The following DLG2 variants were observed in gnomAD, a reference collection of about 807,000 sequenced individuals.
The protein encoded by DLG2 is discs large MAGUK scaffold protein 2, also known as disks large homolog 2.
In DLG2, 45 loss-of-function variants were observed where a neutral mutation model predicts 132.5. The observed-to-expected ratio is 0.34, with a 90% CI of 0.27 to 0.44. DLG2 has a LOEUF of 0.44. DLG2 is among the 20% of genes least tolerant of loss of function. DLG2 has a pLI of 1.00. For synonymous variants in DLG2, 424 were observed against 419.6 expected (o/e 1.01, Z -0.13); for missense variants, 1,045 against 1,196.9 (o/e 0.87, Z 1.87).
intron 18 of DLG2, among the ~76,000 whole-genome samples, chr11:83,754,583 C>T (rs2093573311): frequency 6.6e-6 from 1 of 151,276 alleles, no homozygotes; most frequent in African/African-American, 2.5e-5. Flanking sequence ...GGGTCTATTC[C>T]ACATGATCAC....
intron 4 of DLG2, among the ~76,000 whole-genome samples, chr11:85,230,035 G>A (rs919708735): frequency 5.3e-5 from 8 of 152,000 alleles, no homozygotes; most frequent in African/African-American, 1.9e-4. Context: ...TGTAGATGAT[G>A]GGTTGATGCT....
intron 3 of DLG2, among the ~76,000 whole-genome samples, chr11:85,304,539 C>T (rs148370217): frequency 1.3e-5 from 2 of 152,106 alleles, no homozygotes; most frequent in African/African-American, 4.8e-5. Context: ...TGAAATGCCC[C>T]CAAATCTGAA....
At chr11:85,335,797 G>T (rs920294269) in intron 3 of DLG2, among the ~76,000 whole-genome samples, 38 of 152,112 alleles carry the variant, frequency 2.5e-4, no homozygotes, top group Admixed American at 2.1e-3. Flanking sequence ...ACCTATCAGG[G>T]GGTGGGGGAC....
intron 19 of DLG2, among the ~76,000 whole-genome samples, chr11:83,608,270 C>A (rs2059622933): frequency 6.6e-6 from 1 of 152,118 alleles, no homozygotes; most frequent in Non-Finnish European, 1.5e-5. Context: ...TGGGCAAAAT[C>A]ATCTAACAAT....
rs986269177 is a variant in DLG2 at position 84,214,580 on chromosome 11, G to A, written c.573+36658C>T. 6.6e-5 allele frequency among the ~76,000 whole-genome samples: 10 copies of A among 151,944 alleles called. No homozygotes were observed. In the East Asian group the frequency reaches 1.2e-3, roughly 18 times the overall value. ...TGAAGAAATAATCTTGGAAAATTACGTAAAATTAAATTTAGCCAGATTGCA... is the reference window on the plus strand; with the variant it reads ...TGAAGAAATAATCTTGGAAAATTACATAAAATTAAATTTAGCCAGATTGCA... On this transcript the variant is annotated intron_variant, in intron 8 of 27. Transcript: ENST00000376104.
chr11:84,294,552 C>A, intron 7 of DLG2, among the ~76,000 whole-genome samples: 1 of 152,244 alleles, frequency 6.6e-6, no homozygotes, highest in East Asian at 1.9e-4. Context: ...GAGCCGAGAT[C>A]GCGGCACTGC....
intron 15 of DLG2, among the ~76,000 whole-genome samples, chr11:83,878,948 G>T (rs756480925): frequency 1.3e-5 from 2 of 152,156 alleles, no homozygotes; most frequent in African/African-American, 2.4e-5. Context: ...AAATGATGCT[G>T]TCATTAAATA....
intron 11 of DLG2, among the ~76,000 whole-genome samples, chr11:83,995,314 T>C (rs2093965382): frequency 6.6e-6 from 1 of 152,134 alleles, no homozygotes; most frequent in South Asian, 2.1e-4. Flanking sequence ...TTCCAGGAGA[T>C]AATGACAGTC....
chr11:84,609,995 A>G (rs1337685509), intron 6 of DLG2, among the ~76,000 whole-genome samples: 1 of 152,144 alleles, frequency 6.6e-6, no homozygotes, highest in African/African-American at 2.4e-5. Flanking sequence ...ACAATTCCAC[A>G]TTTATAAATT....
chr11:83,990,174 T>G (rs2093626865), intron 11 of DLG2, among the ~76,000 whole-genome samples: 1 of 152,098 alleles, frequency 6.6e-6, no homozygotes, highest in African/African-American at 2.4e-5. Context: ...CAGTGAATAT[T>G]TCAGTACTCT....
intron 6 of DLG2, among the ~76,000 whole-genome samples, chr11:85,099,463 T>C (rs754324487): frequency 6.6e-6 from 1 of 152,222 alleles, no homozygotes; most frequent in African/African-American, 2.4e-5. Flanking sequence ...AGCTTTGATA[T>C]AGATAATTTA....
At chr11:84,219,891 G>A (rs112674379) in intron 8 of DLG2, among the ~76,000 whole-genome samples, 1 of 152,118 alleles carries the variant, frequency 6.6e-6, no homozygotes, top group Non-Finnish European at 1.5e-5. Flanking sequence ...CTGTAACTTG[G>A]TTCTTATTTT....
intron 6 of DLG2, among the ~76,000 whole-genome samples, chr11:85,091,348 C>T (rs769658190): frequency 1.6e-4 from 25 of 152,152 alleles, no homozygotes; most frequent in African/African-American, 4.1e-4. Flanking sequence ...CAGTGAGTCA[C>T]GACCTTTTTG....
intron 6 of DLG2, among the ~76,000 whole-genome samples, chr11:84,886,546 C>G (rs1191821179): frequency 3.3e-5 from 5 of 152,122 alleles, no homozygotes; most frequent in African/African-American, 1.2e-4. Flanking sequence ...GAGTGGACCA[C>G]AGCCACAACT....
intron 19 of DLG2, chr11:83,632,468 T>C (rs144137787): frequency 1.4e-3 from 210 of 152,296 alleles, no homozygotes; most frequent in African/African-American, 4.9e-3. Flanking sequence ...TTAGTACTTA[T>C]ATATTTTTAA....
chr11:83,818,933 T>G (rs1282516635), intron 17 of DLG2, among the ~76,000 whole-genome samples: 1 of 152,182 alleles, frequency 6.6e-6, no homozygotes, highest in African/African-American at 2.4e-5. Flanking sequence ...TTTTAAGTTT[T>G]TACATGTTTA....
chr11:84,133,606 C>T (rs550397901), intron 9 of DLG2, among the ~76,000 whole-genome samples: 2 of 145,072 alleles, frequency 1.4e-5, no homozygotes, highest in East Asian at 4.1e-4. Context: ...TTTTGGATCT[C>T]TTGAGAGAGA....
chr11:83,620,306 CGT>C (rs768655573), intron 19 of DLG2, among the ~76,000 whole-genome samples: 1 of 151,868 alleles, frequency 6.6e-6, no homozygotes, highest in Non-Finnish European at 1.5e-5. Flanking sequence ...ATGTATAAAA[CGT>C]GTAACTTTTT....
intron 3 of DLG2, among the ~76,000 whole-genome samples, chr11:85,525,885 C>T (rs375532071): frequency 3.9e-5 from 6 of 152,058 alleles, no homozygotes; most frequent in African/African-American, 9.7e-5. Context: ...CAGAGAGTAC[C>T]GGAGATCTAC....
Sources: allele counts gnomAD v4.1 joint callset (sites outside exome capture counted in the v4.1 genomes callset), GRCh38; gene constraint gnomAD v4.1.1; transcripts MANE v1.5; gene names NCBI Gene and HGNC (gene_info 2026-07-23, HGNC 2026-07-21).